Variants in ZMIZ1 observed in about 807,000 individuals in gnomAD.
ZMIZ1 encodes zinc finger MIZ domain-containing protein 1.
ZMIZ1 carries 17 observed loss-of-function variants against 113.9 expected under a neutral mutation model. The observed-to-expected ratio is 0.15, with a 90% CI of 0.10 to 0.22. ZMIZ1 has a LOEUF of 0.22. ZMIZ1 is among the 10% of genes least tolerant of loss of function. ZMIZ1 has a pLI of 1.00. For synonymous variants in ZMIZ1, 607 were observed against 603.1 expected (o/e 1.01, Z -0.09); for missense variants, 1,059 against 1,477.8 (o/e 0.72, Z 4.65).
chr10:79,091,678 G>A (rs182399881), intron 1 of ZMIZ1, among the ~76,000 whole-genome samples: 21 of 152,302 alleles, frequency 1.4e-4, no homozygotes, highest in African/African-American at 4.6e-4. Context: ...ACTTCTGGGC[G>A]GTGGAACCGG....
Position 79,297,620 on chromosome 10 carries a change from A to C in ZMIZ1, c.1421A>C (p.Gln474Pro), listed in dbSNP as rs749645477. ...VNMGQYYKPE[Q>P]FNGQNNTFSG... ...TTTATCTTGTTTTAATAGCCAGAAC[A>C]GTTTAATGGACAAAATAACACGTTC... Residue 474 changes from glutamine (Q) to proline (P), a missense_variant, in exon 14 of 25, where the codon CAG becomes CCG. Coordinates refer to ENST00000334512, the MANE Select transcript of ZMIZ1 (RefSeq NM_020338.4). The C allele has an allele frequency of 1.2e-6, 2 of 1,614,036 alleles. No individual in the cohort carries two copies. Among genetic ancestry groups the C allele is most frequent in the East Asian group, 2.2e-5 (1 of 44,882 alleles).
chr10:79,147,192 T>C (rs928455780), intron 3 of ZMIZ1, among the ~76,000 whole-genome samples: 4 of 152,056 alleles, frequency 2.6e-5, no homozygotes, highest in African/African-American at 9.7e-5. Context: ...GAATCTGGTA[T>C]GGGGAGGCCT....
intron 4 of ZMIZ1, among the ~76,000 whole-genome samples, chr10:79,176,171 G>A (rs1846859224): frequency 6.6e-6 from 1 of 151,982 alleles, no homozygotes; most frequent in Non-Finnish European, 1.5e-5. Context: ...TGACATTCCA[G>A]GGCCATTTCA....
At position 79,312,759 on chromosome 10, in the gene ZMIZ1, G is replaced by T. The variant is rs368845631; in HGVS notation, c.*10G>T. On this transcript the variant is annotated 3_prime_UTR_variant, in exon 25 of 25. Coordinates refer to ENST00000334512, the MANE Select transcript of ZMIZ1 (RefSeq NM_020338.4). ...ATTTGAGAACAACTGAGGGCCACCC[G>T]GTCGGGGCCATCCCTCCACACTCTG... 25 of 1,612,482 alleles carry T rather than the reference G, an allele frequency of 1.6e-5. No homozygotes were observed. The East Asian group carries it at 5.1e-4, about 33-fold the overall frequency.
In ZMIZ1 at chr10:79,079,635, G is replaced by C. The variant is rs574347886; in HGVS notation, c.-337+10365G>C. ...ACCAAGGCCACAGGGCCTGGCACTG[G>C]GGCCGGGGGGGTCCAGGGAATGATG... On this transcript the variant is annotated intron_variant, in intron 1 of 24. Coordinates refer to ENST00000334512, the MANE Select transcript of ZMIZ1 (RefSeq NM_020338.4). Among the ~76,000 whole-genome samples the C allele has an allele frequency of 2.4e-4, 36 of 148,668 alleles. No homozygotes were observed. The South Asian group carries it at 6.8e-3, about 28-fold the overall frequency.
intron 7 of ZMIZ1, among the ~76,000 whole-genome samples, chr10:79,247,947 A>C (rs961694396): frequency 6.6e-6 from 1 of 152,168 alleles, no homozygotes; most frequent in Non-Finnish European, 1.5e-5. Context: ...TGGGGGCCTG[A>C]GTGTCTCATC....
At chr10:79,111,538 G>A (rs1843739400) in intron 1 of ZMIZ1, among the ~76,000 whole-genome samples, 1 of 152,200 alleles carries the variant, frequency 6.6e-6, no homozygotes, top group South Asian at 2.1e-4. Flanking sequence ...AGGGGGTGTG[G>A]GTGACGGGGG....
At chr10:79,297,912 A>G (rs1223794692) in intron 14 of ZMIZ1, among the ~76,000 whole-genome samples, 1 of 152,058 alleles carries the variant, frequency 6.6e-6, no homozygotes. Flanking sequence ...CTAGTCTTGA[A>G]AACAAGGAGA....
intron 7 of ZMIZ1, among the ~76,000 whole-genome samples, chr10:79,245,310 G>A (rs1850125943): frequency 6.6e-6 from 1 of 152,208 alleles, no homozygotes; most frequent in Non-Finnish European, 1.5e-5. Flanking sequence ...AGATCATCCA[G>A]TTGGGGATGT....
chr10:79,166,691 C>T (rs1240943903), intron 4 of ZMIZ1, among the ~76,000 whole-genome samples: 1 of 152,350 alleles, frequency 6.6e-6, no homozygotes, highest in East Asian at 1.9e-4. Flanking sequence ...TGTACAGGAG[C>T]TGGCTGCCTG....
intron 7 of ZMIZ1, among the ~76,000 whole-genome samples, chr10:79,270,263 A>G (rs1440196311): frequency 6.6e-6 from 1 of 152,208 alleles, no homozygotes; most frequent in African/African-American, 2.4e-5. Flanking sequence ...GTCTTGGGGA[A>G]GCAGATGTTG....
intron 6 of ZMIZ1, among the ~76,000 whole-genome samples, chr10:79,210,431 C>T (rs576775021): frequency 6.6e-6 from 1 of 152,354 alleles, no homozygotes; most frequent in South Asian, 2.1e-4. Flanking sequence ...GCTGGCCTGC[C>T]AGGGGGAGCC....
intron 16 of ZMIZ1, among the ~76,000 whole-genome samples, chr10:79,299,625 T>C (rs558594265): frequency 1.1e-3 from 166 of 152,350 alleles, no homozygotes; most frequent in African/African-American, 3.8e-3. Context: ...GGGCTGACCA[T>C]TGGGCAGGGC....
chr10:79,140,812 T>C, intron 3 of ZMIZ1, among the ~76,000 whole-genome samples: 1 of 152,154 alleles, frequency 6.6e-6, no homozygotes. Flanking sequence ...AGGCAGGGTC[T>C]CATTCTGTCA....
At chr10:79,219,246 G>A (rs543674192) in intron 7 of ZMIZ1, among the ~76,000 whole-genome samples, 1 of 152,336 alleles carries the variant, frequency 6.6e-6, no homozygotes, top group Admixed American at 6.5e-5. Context: ...CCCCAGAGGA[G>A]CAGGAGAGAC....
intron 7 of ZMIZ1, among the ~76,000 whole-genome samples, chr10:79,234,431 C>G (rs1849515135): frequency 6.6e-6 from 1 of 152,172 alleles, no homozygotes; most frequent in Non-Finnish European, 1.5e-5. Flanking sequence ...AAGGTCTTAA[C>G]TTTGGATTTC....
chr10:79,200,849 T>C (rs1848047925), intron 4 of ZMIZ1, among the ~76,000 whole-genome samples: 1 of 109,692 alleles, frequency 9.1e-6, no homozygotes, highest in Admixed American at 8.7e-5. Context: ...TGCATGTGCA[T>C]GTGCACTGAG....
chr10:79,147,596 G>A (rs1431982322), intron 3 of ZMIZ1, among the ~76,000 whole-genome samples: 1 of 152,182 alleles, frequency 6.6e-6, no homozygotes, highest in Non-Finnish European at 1.5e-5. Context: ...TCAAACCCTC[G>A]CCTCTGTGAC....
chr10:79,271,531 C>T (rs982355480), intron 7 of ZMIZ1, among the ~76,000 whole-genome samples: 19 of 152,150 alleles, frequency 1.2e-4, no homozygotes, highest in South Asian at 2.1e-4. Flanking sequence ...TTCTGGGATG[C>T]GGAGTTGGAT....
Sources: gnomAD v4.1 joint callset for allele counts (sites outside exome capture counted in the v4.1 genomes callset) on GRCh38, gnomAD v4.1.1 for gene constraint, MANE v1.5 for transcripts, NCBI Gene and HGNC (gene_info 2026-07-23, HGNC 2026-07-21) for gene names.